The following PTPRZ1 variants were observed in gnomAD, a reference collection of about 807,000 sequenced individuals.
PTPRZ1 encodes the protein protein tyrosine phosphatase receptor type Z1, also known as receptor-type tyrosine-protein phosphatase zeta.
PTPRZ1 carries 82 observed loss-of-function variants against 214.1 expected under a neutral mutation model. The ratio of observed to expected loss-of-function variants is 0.38; its 90% CI spans 0.32 to 0.46. The LOEUF is 0.46. Among genes scored for constraint, PTPRZ1 ranks in the 20% least tolerant of loss-of-function variants. The pLI is 1.00. For synonymous variants in PTPRZ1, 945 were observed against 987.9 expected, an observed-to-expected ratio of 0.96 and a Z score of 0.81; for missense variants, 2,603 against 2,748.7, an observed-to-expected ratio of 0.95 and a Z score of 1.19.
chr7:121,895,448 A>C (rs760998310), intron 1 of PTPRZ1, among the ~76,000 whole-genome samples: 15 of 152,364 alleles, frequency 9.8e-5, no homozygotes, highest in Non-Finnish European at 1.9e-4. Flanking sequence ...GCCCATTTGC[A>C]ACAAAAATAG....
At chr7:122,047,847 G>T (rs1417853579) in intron 23 of PTPRZ1, among the ~76,000 whole-genome samples, 1 of 151,940 alleles carries the variant, frequency 6.6e-6, no homozygotes, top group East Asian at 1.9e-4. Flanking sequence ...TAGAGATGGG[G>T]TTTCGCCATG....
At chr7:121,919,753 A>T (rs1243405720) in intron 1 of PTPRZ1, among the ~76,000 whole-genome samples, 1 of 151,946 alleles carries the variant, frequency 6.6e-6, no homozygotes, top group African/African-American at 2.4e-5. Context: ...CATATATTAA[A>T]TTTGCATCTA....
intron 22 of PTPRZ1, among the ~76,000 whole-genome samples, chr7:122,044,195 A>T (rs938335148): frequency 1.3e-5 from 2 of 152,178 alleles, no homozygotes; most frequent in African/African-American, 4.8e-5. Flanking sequence ...TGTATTGCCA[A>T]CAATACATAA....
At chr7:122,042,327 T>C (rs1476235801) in intron 21 of PTPRZ1, among the ~76,000 whole-genome samples, 1 of 152,212 alleles carries the variant, frequency 6.6e-6, no homozygotes, top group Non-Finnish European at 1.5e-5. Flanking sequence ...GAATAATAAA[T>C]ATGGTTTTTG....
chr7:121,996,858 A>C lies in PTPRZ1; in HGVS notation c.1113+292A>C, dbSNP rs548289739. Reference sequence around the variant, plus strand: ...AGATCATTTAGTGTGGCCTTTCTTAAGATTTCAGTTGTAGAATAGTGCCAG... The same window carrying C: ...AGATCATTTAGTGTGGCCTTTCTTACGATTTCAGTTGTAGAATAGTGCCAG... On this transcript the variant is annotated intron_variant, in intron 9 of 29. Transcript: ENST00000393386. Among the ~76,000 whole-genome samples, 11 of 152,290 alleles carry C rather than the reference A, an allele frequency of 7.2e-5. No homozygotes were observed. In the East Asian group the frequency reaches 2.1e-3, roughly 29 times the overall value.
chr7:121,876,877 A>G (rs961235673), intron 1 of PTPRZ1, among the ~76,000 whole-genome samples: 10 of 152,128 alleles, frequency 6.6e-5, no homozygotes, highest in African/African-American at 2.2e-4. Context: ...TCTGGCAAAA[A>G]TTCAGGTTTT....
At chr7:121,973,222 A>C (rs1452343600) in intron 4 of PTPRZ1, among the ~76,000 whole-genome samples, 1 of 152,098 alleles carries the variant, frequency 6.6e-6, no homozygotes, top group African/African-American at 2.4e-5. Context: ...AATTGCAAAA[A>C]TTTATTTAAA....
chr7:121,944,007 T>C lies in PTPRZ1; in HGVS notation c.124+15786T>C, dbSNP rs562415463. 3.3e-5 allele frequency among the ~76,000 whole-genome samples: 5 copies of C among 152,356 alleles called. No homozygotes were observed. In the East Asian group the frequency reaches 9.6e-4, roughly 29 times the overall value. On this transcript the variant is annotated intron_variant, in intron 2 of 29. Transcript: ENST00000393386. ...TTAAAAAGTAGCAGTATTGCCTCAG[T>C]GTAACATGTAACAACATTGAAAATG...
intron 14 of PTPRZ1, among the ~76,000 whole-genome samples, chr7:122,030,867 C>G (rs1799349259): frequency 6.6e-6 from 1 of 151,948 alleles, no homozygotes. Context: ...GTTTACATAG[C>G]ATATTTTCAA....
At chr7:121,972,007 A>T (rs1239117019) in intron 3 of PTPRZ1, among the ~76,000 whole-genome samples, 7 of 152,154 alleles carry the variant, frequency 4.6e-5, no homozygotes, top group Non-Finnish European at 8.8e-5. Flanking sequence ...CTCCATAAGA[A>T]TGAGTTTCCT....
At chr7:121,934,667 C>T (rs2116397262) in intron 2 of PTPRZ1, among the ~76,000 whole-genome samples, 1 of 152,250 alleles carries the variant, frequency 6.6e-6, no homozygotes, top group East Asian at 1.9e-4. Context: ...AGTGTCTTAA[C>T]TTGATCCCAA....
At chr7:121,959,504 A>G (rs1796813339) in intron 2 of PTPRZ1, among the ~76,000 whole-genome samples, 1 of 152,218 alleles carries the variant, frequency 6.6e-6, no homozygotes, top group African/African-American at 2.4e-5. Context: ...TTTCAACATG[A>G]GAAGTTGTCA....
chr7:121,998,455 T>G (rs1201662990), intron 10 of PTPRZ1, among the ~76,000 whole-genome samples: 1 of 152,154 alleles, frequency 6.6e-6, no homozygotes, highest in Admixed American at 6.5e-5. Flanking sequence ...CTCAAGAGTT[T>G]GTCTTAGATC....
At chr7:121,984,567 T>C (rs548507398) in intron 8 of PTPRZ1, among the ~76,000 whole-genome samples, 27 of 152,284 alleles carry the variant, frequency 1.8e-4, no homozygotes, top group African/African-American at 4.6e-4. Flanking sequence ...GAACTGAGTC[T>C]TGACACAGTA....
intron 11 of PTPRZ1, among the ~76,000 whole-genome samples, chr7:122,007,588 A>G (rs988674791): frequency 6.6e-6 from 1 of 152,136 alleles, no homozygotes; most frequent in African/African-American, 2.4e-5. Context: ...AATGAATGAC[A>G]GGCTGGAAAA....
At chr7:121,955,804 G>A (rs1418922013) in intron 2 of PTPRZ1, among the ~76,000 whole-genome samples, 3 of 152,130 alleles carry the variant, frequency 2.0e-5, no homozygotes, top group African/African-American at 7.2e-5. Context: ...GGGTGATAGA[G>A]CAACAAGAAC....
chr7:122,030,318 C>A (rs1399240710), intron 14 of PTPRZ1, among the ~76,000 whole-genome samples: 1 of 151,984 alleles, frequency 6.6e-6, no homozygotes, highest in African/African-American at 2.4e-5. Flanking sequence ...TACCAAAATA[C>A]CTGACTGTCA....
At chr7:121,894,305 T>C (rs532007115) in intron 1 of PTPRZ1, among the ~76,000 whole-genome samples, 29 of 152,354 alleles carry the variant, frequency 1.9e-4, no homozygotes, top group Middle Eastern at 6.8e-3. Flanking sequence ...TTAGTTGACA[T>C]TTATTTGATG....
intron 2 of PTPRZ1, among the ~76,000 whole-genome samples, chr7:121,939,574 G>T (rs1349660967): frequency 6.6e-6 from 1 of 152,154 alleles, no homozygotes; most frequent in East Asian, 1.9e-4. Context: ...AGATTTTTAT[G>T]TTCAGTCAAC....
Sources: allele counts gnomAD v4.1 joint callset (sites outside exome capture counted in the v4.1 genomes callset), GRCh38; gene constraint gnomAD v4.1.1; transcripts MANE v1.5; gene names NCBI Gene and HGNC (gene_info 2026-07-23, HGNC 2026-07-21).